The following SAMHD1 variants were observed in gnomAD, a reference collection of about 807,000 sequenced individuals.
SAMHD1 encodes the protein SAM and HD domain containing deoxynucleoside triphosphate triphosphohydrolase 1, also known as deoxynucleoside triphosphate triphosphohydrolase SAMHD1.
SAMHD1 carries 54 observed loss-of-function variants against 79.6 expected under a neutral mutation model. The observed-to-expected ratio is 0.68, with a 90% CI of 0.55 to 0.85. SAMHD1 has a LOEUF of 0.85. Ranked by LOEUF, SAMHD1 falls within the 40% of genes least tolerant of loss-of-function variation. SAMHD1 has a pLI of 0.00. For missense variants in SAMHD1, 663 were observed against 782.7 expected, an observed-to-expected ratio of 0.85 and a Z score of 1.82; for synonymous variants, 260 against 264.1, an observed-to-expected ratio of 0.98 and a Z score of 0.15.
At chr20:36,944,827 AAGGTTG>A (rs1349621210) in intron 2 of SAMHD1, among the ~76,000 whole-genome samples, 1 of 152,034 alleles carries the variant, frequency 6.6e-6, no homozygotes. Flanking sequence ...CTGGGAGGTG[AAGGTTG>A]AGGTAAGACG....
intron 6 of SAMHD1, among the ~76,000 whole-genome samples, chr20:36,922,533 A>G (rs1238347361): frequency 6.6e-6 from 1 of 152,106 alleles, no homozygotes; most frequent in Non-Finnish European, 1.5e-5. Context: ...TGTGCACCAC[A>G]ATGACCAGCT....
intron 2 of SAMHD1, 47 bp downstream of exon 2, chr20:36,946,691 G>A: frequency 6.8e-7 from 1 of 1,461,734 alleles, no homozygotes; most frequent in South Asian, 1.2e-5. Flanking sequence ...CTGAAAGATG[G>A]ATAAAGTGTG....
At chr20:36,896,621 G>A (rs929553675) in intron 15 of SAMHD1, among the ~76,000 whole-genome samples, 21 of 152,086 alleles carry the variant, frequency 1.4e-4, no homozygotes, top group Middle Eastern at 3.4e-3. Context: ...CGGATCACGA[G>A]GTCAGGAGAT....
intron 2 of SAMHD1, 85 bp from the exon 3 acceptor site, chr20:36,941,196 T>C (rs2063642228): frequency 5.6e-6 from 5 of 885,846 alleles, no homozygotes; most frequent in Non-Finnish European, 9.4e-6. Context: ...ATAAACTTTA[T>C]ATTATCTACA....
At chr20:36,948,549 G>A (rs1199075899) in intron 1 of SAMHD1, among the ~76,000 whole-genome samples, 3 of 150,274 alleles carry the variant, frequency 2.0e-5, no homozygotes, top group South Asian at 4.5e-4. Flanking sequence ...CACCGTGCCC[G>A]GCCAAGAGAA....
At chr20:36,934,740 C>A (rs2063592160) in intron 4 of SAMHD1, 1 of 334,994 alleles carries the variant, frequency 3.0e-6, no homozygotes, top group African/African-American at 2.1e-5. Context: ...TCACTGCAAC[C>A]ACCAACCTCC....
chr20:36,944,634 C>CCTTAAATA (rs1328816630), intron 2 of SAMHD1, among the ~76,000 whole-genome samples: 1 of 152,146 alleles, frequency 6.6e-6, no homozygotes, highest in Non-Finnish European at 1.5e-5. Flanking sequence ...GTGGCTCGCG[C>CCTTAAATA]CTATAATCCC....
At position 36,941,008 on chromosome 20, in the gene SAMHD1, C is replaced by CA. The variant is rs776982571; in HGVS notation, c.348+30dup. 2.8e-5 allele frequency: 43 copies of CA among 1,543,110 alleles called. No homozygotes were observed. The East Asian group carries it at 9.7e-4, about 35-fold the overall frequency. ...TAATTGAGTTATATCACTTTATATT[C>CA]AAAAAACATAACAAACTCAGATCCT... On this transcript the variant is annotated intron_variant, in intron 3 of 15. Transcript: ENST00000646673.
At chr20:36,919,786 A>G (rs2063495133) in intron 6 of SAMHD1, among the ~76,000 whole-genome samples, 2 of 152,220 alleles carry the variant, frequency 1.3e-5, no homozygotes, top group South Asian at 4.1e-4. Flanking sequence ...TCCTAAATGA[A>G]TATTATAAGA....
chr20:36,927,955 T>C (rs936700968), intron 5 of SAMHD1, among the ~76,000 whole-genome samples: 1 of 152,204 alleles, frequency 6.6e-6, no homozygotes, highest in African/African-American at 2.4e-5. Flanking sequence ...GCCACCTGAA[T>C]AGCTGGGACT....
At chr20:36,893,959 G>T (rs1568757168) in intron 15 of SAMHD1, 1 of 398,476 alleles carries the variant, frequency 2.5e-6, no homozygotes, top group African/African-American at 2.1e-5. Flanking sequence ...AGAGAAGTCA[G>T]GTTTTTTCTC....
Position 36,951,650 on chromosome 20 carries a change from ACC to A in SAMHD1, c.-9_-8del, listed in dbSNP as rs2063735943. On this transcript the variant is annotated 5_prime_UTR_variant, in exon 1 of 16. In the 5' UTR this introduces an upstream ATG that the reference lacks. Transcript: ENST00000646673. ...CGGAATCGGCTCGCTGCATGGCTAC[ACC>A]TGGCGTCCGGCACAGCAGTCAAGAA... 1 of 1,612,608 alleles carries A rather than the reference ACC, an allele frequency of 6.2e-7. No individual in the cohort carries two copies. The highest frequency in any genetic ancestry group is 1.7e-5 in the Admixed American group (1 of 59,988).
chr20:36,904,264 A>G lies in SAMHD1; in HGVS notation c.1411-15T>C. 6.4e-7 allele frequency: 1 copy of G among 1,557,378 alleles called. No individual in the cohort carries two copies. Among genetic ancestry groups the G allele is most frequent in the East Asian group, 2.2e-5 (1 of 44,588 alleles). On this transcript the variant is annotated splice_polypyrimidine_tract_variant and intron_variant, in intron 12 of 15. Transcript: ENST00000646673. ...TCATAGTCCTCCTGGAAAACACAAG[A>G]CTCCCCATGTTAGAATCCATTTTTC...
chr20:36,935,964 T>C (rs983799147), intron 3 of SAMHD1, among the ~76,000 whole-genome samples: 2 of 151,982 alleles, frequency 1.3e-5, no homozygotes. Flanking sequence ...AGATGGAAAT[T>C]CCTCTACCAT....
In SAMHD1 at chr20:36,950,715, G is replaced by A. The variant is rs1423096002; in HGVS notation, c.208+721C>T. Among the ~76,000 whole-genome samples, 4 of 152,290 alleles carry A rather than the reference G, an allele frequency of 2.6e-5. No homozygotes were observed. In the East Asian group the frequency reaches 7.7e-4, roughly 29 times the overall value. On this transcript the variant is annotated intron_variant, in intron 1 of 15. Transcript: ENST00000646673. ...ACCCCAAGGTTCAGATTTTGGAGGG[G>A]AACCTGCTTTTAAAGAGCAAAACAT...
At chr20:36,894,492 C>T (rs372208083) in intron 15 of SAMHD1, among the ~76,000 whole-genome samples, 3 of 150,104 alleles carry the variant, frequency 2.0e-5, no homozygotes, top group Non-Finnish European at 3.0e-5. Flanking sequence ...TTAGGCCAGG[C>T]GTGGTGGTTC....
At chr20:36,919,283 A>G in intron 7 of SAMHD1, 81 bp downstream of exon 7, 1 of 1,375,554 alleles carries the variant, frequency 7.3e-7, no homozygotes, top group Non-Finnish European at 1.0e-6. Flanking sequence ...TAAAATAGCC[A>G]AATGTATAAC....
At chr20:36,899,724 T>C (rs1422432574) in intron 13 of SAMHD1, among the ~76,000 whole-genome samples, 1 of 152,082 alleles carries the variant, frequency 6.6e-6, no homozygotes, top group Non-Finnish European at 1.5e-5. Flanking sequence ...TCTCCTGGAT[T>C]TAGCAACTCT....
rs1014839218 is a variant in SAMHD1, at chr20:36,951,545, G to T, written c.99C>A (p.Ser33=). ...SNTPSAEADW[S]PGLELHPDYK... is the part of the protein sequence containing the mutation. ...AGTCGGGATGGAGTTCCAGGCCCGG[G>T]GACCAGTCTGCCTCTGCGGAAGGGG... Residue 33 remains serine (S), a synonymous_variant, in exon 1 of 16, where the codon TCC becomes TCA. Transcript: ENST00000646673. The T allele has an allele frequency of 6.2e-7, 1 of 1,614,196 alleles. No homozygotes were observed. Among genetic ancestry groups the T allele is most frequent in the Non-Finnish European group, 8.5e-7 (1 of 1,180,016 alleles).
Sources: gnomAD v4.1 joint callset for allele counts (sites outside exome capture counted in the v4.1 genomes callset) on GRCh38, gnomAD v4.1.1 for gene constraint, MANE v1.5 for transcripts, NCBI Gene and HGNC (gene_info 2026-07-23, HGNC 2026-07-21) for gene names.